The following PCDH9 variants were observed in gnomAD, a reference collection of about 807,000 sequenced individuals.
The protein encoded by PCDH9 is protocadherin 9, also known as protocadherin-9.
A neutral mutation model predicts 70.6 loss-of-function variants in PCDH9; 24 were observed. That is an observed-to-expected ratio of 0.34 (90% CI 0.25 to 0.48). The LOEUF is 0.48. PCDH9 is among the 20% of genes least tolerant of loss of function. The pLI is 0.99. For missense variants in PCDH9, 1,281 were observed against 1,503.6 expected (o/e 0.85, Z 2.45); for synonymous variants, 562 against 558.5 (o/e 1.01, Z -0.09).
At chr13:67,204,015 G>C (rs987265897) in intron 2 of PCDH9, 1 of 151,928 alleles carries the variant, frequency 6.6e-6, no homozygotes, top group Non-Finnish European at 1.5e-5. Flanking sequence ...ACTTCAAAAA[G>C]ACATGGAAAA....
intron 2 of PCDH9, among the ~76,000 whole-genome samples, chr13:67,016,726 C>T (rs1243540328): frequency 1.3e-5 from 2 of 152,160 alleles, no homozygotes; most frequent in Non-Finnish European, 2.9e-5. Context: ...AGAATACAAG[C>T]ACATTTGACT....
At chr13:66,923,241 A>C (rs2082665333) in intron 2 of PCDH9, among the ~76,000 whole-genome samples, 1 of 151,598 alleles carries the variant, frequency 6.6e-6, no homozygotes, top group South Asian at 2.1e-4. Flanking sequence ...AGTACACATA[A>C]ACAGTTTTAT....
chr13:67,148,978 CTGCAACTACAGTAAGGCACCTATAG>C (rs1228222728), intron 2 of PCDH9, among the ~76,000 whole-genome samples: 9 of 152,108 alleles, frequency 5.9e-5, no homozygotes, highest in African/African-American at 1.9e-4. Context: ...TACTGCAAGG[CTGCAACTACAGTAAGGCACCTATAG>C]AGCAAAACTT....
Position 66,602,440 on chromosome 13 carries a change from G to T in PCDH9, c.3340+28770C>A, listed in dbSNP as rs766254972. Among the ~76,000 whole-genome samples the T allele has an allele frequency of 2.1e-5, 3 of 145,128 alleles. 1 individual carries two copies. The highest frequency in any genetic ancestry group is 4.6e-5 in the Non-Finnish European group (3 of 64,700). ...GAAGGCAGTGATATTGATCTTGACC[G>T]TGCATAGGCCTAGATTAATGTGTGT... is the stretch of plus-strand genomic sequence containing the variant. On this transcript the variant is annotated intron_variant, in intron 4 of 4. Coordinates refer to ENST00000377865, the MANE Select transcript of PCDH9 (RefSeq NM_203487.3).
At chr13:66,515,399 T>A (rs991924249) in intron 4 of PCDH9, among the ~76,000 whole-genome samples, 3 of 152,018 alleles carry the variant, frequency 2.0e-5, no homozygotes, top group African/African-American at 7.2e-5. Context: ...ATTATTATAA[T>A]ATTCTTAAGA....
intron 4 of PCDH9, among the ~76,000 whole-genome samples, chr13:66,430,560 C>T (rs1957753557): frequency 1.3e-5 from 2 of 151,952 alleles, no homozygotes; most frequent in Admixed American, 6.6e-5. Flanking sequence ...AAGTAGCAAC[C>T]AGGTGTTGGC....
At chr13:66,969,789 G>A (rs1198865228) in intron 2 of PCDH9, among the ~76,000 whole-genome samples, 2 of 151,876 alleles carry the variant, frequency 1.3e-5, no homozygotes, top group East Asian at 3.9e-4. Flanking sequence ...CTTAATATCA[G>A]TTATGAGATT....
chr13:66,703,049 G>A (rs1462915138), intron 3 of PCDH9, among the ~76,000 whole-genome samples: 1 of 152,114 alleles, frequency 6.6e-6, no homozygotes, highest in Non-Finnish European at 1.5e-5. Flanking sequence ...TATTTTCCAG[G>A]AGAAATTTGT....
intron 3 of PCDH9, among the ~76,000 whole-genome samples, chr13:66,759,260 GT>G (rs553118766): frequency 6.6e-6 from 1 of 151,498 alleles, no homozygotes; most frequent in African/African-American, 2.4e-5. Context: ...TCATTTTACA[GT>G]TTTTTTTACT....
intron 3 of PCDH9, among the ~76,000 whole-genome samples, chr13:66,855,459 T>C (rs1220219021): frequency 6.6e-6 from 1 of 152,084 alleles, no homozygotes. Context: ...GGGACCACTG[T>C]TATTAAAGAG....
intron 3 of PCDH9, among the ~76,000 whole-genome samples, chr13:66,879,738 TGAAAG>T (rs2081890082): frequency 6.6e-6 from 1 of 151,484 alleles, no homozygotes; most frequent in African/African-American, 2.4e-5. Context: ...TGAAAAAAAA[TGAAAG>T]GAAATCTCAA....
chr13:66,977,441 G>A (rs1449246310), intron 2 of PCDH9: 1 of 151,914 alleles, frequency 6.6e-6, no homozygotes, highest in Non-Finnish European at 1.5e-5. Context: ...TTTTGATGCT[G>A]GTATCCATAT....
chr13:66,469,785 G>T (rs531057180), intron 4 of PCDH9, among the ~76,000 whole-genome samples: 1 of 152,014 alleles, frequency 6.6e-6, no homozygotes, highest in Non-Finnish European at 1.5e-5. Context: ...TTCCCTTCAC[G>T]GTTTGCTTTT....
intron 4 of PCDH9, among the ~76,000 whole-genome samples, chr13:66,543,229 C>G (rs547774440): frequency 1.3e-3 from 199 of 152,122 alleles, no homozygotes; most frequent in African/African-American, 4.6e-3. Context: ...ATGAAATAAT[C>G]AGCAGTATAT....
chr13:66,930,256 G>A (rs574332280), intron 2 of PCDH9, among the ~76,000 whole-genome samples: 2 of 152,176 alleles, frequency 1.3e-5, no homozygotes, highest in African/African-American at 4.8e-5. Flanking sequence ...ATCGTTTTGT[G>A]TAATTTTTAC....
intron 2 of PCDH9, among the ~76,000 whole-genome samples, chr13:66,984,251 A>G (rs1324502316): frequency 3.3e-5 from 5 of 152,170 alleles, no homozygotes; most frequent in African/African-American, 1.2e-4. Flanking sequence ...ATTTCTTTAA[A>G]AATGGCTGGA....
At chr13:66,948,052 C>T (rs1200494425) in intron 2 of PCDH9, among the ~76,000 whole-genome samples, 1 of 152,066 alleles carries the variant, frequency 6.6e-6, no homozygotes, top group Non-Finnish European at 1.5e-5. Context: ...AAGACATTGT[C>T]AACTTATGTG....
intron 4 of PCDH9, among the ~76,000 whole-genome samples, chr13:66,322,115 C>T (rs1410012858): frequency 1.3e-5 from 2 of 151,678 alleles, no homozygotes; most frequent in Non-Finnish European, 2.9e-5. Flanking sequence ...ATTGGTGTCA[C>T]ATTATGGTTT....
intron 4 of PCDH9, chr13:66,306,365 T>C (rs1175915165): frequency 6.7e-6 from 1 of 149,004 alleles, no homozygotes; most frequent in Non-Finnish European, 1.5e-5. Flanking sequence ...AAACAGTTGA[T>C]GGTAAAGACC....
Sources: allele counts gnomAD v4.1 joint callset (sites outside exome capture counted in the v4.1 genomes callset), GRCh38; gene constraint gnomAD v4.1.1; transcripts MANE v1.5; gene names NCBI Gene and HGNC (gene_info 2026-07-23, HGNC 2026-07-21).